Variants in SLC38A6 observed in about 807,000 individuals in gnomAD.
SLC38A6 encodes N system amino acid transporter NAT-1.
A neutral mutation model predicts 65.0 loss-of-function variants in SLC38A6; 73 were observed. That is an observed-to-expected ratio of 1.12 (90% confidence interval 0.93 to 1.37). The LOEUF is 1.37. Ranked by LOEUF, SLC38A6 falls within the 40% of genes most tolerant of loss-of-function variation. The pLI is 0.00. For synonymous variants in SLC38A6, 183 were observed against 178.8 expected (o/e 1.02, Z -0.19); for missense variants, 561 against 531.1 (o/e 1.06, Z -0.55).
At chr14:61,001,666 T>TA (rs2038721088) in intron 3 of SLC38A6, among the ~76,000 whole-genome samples, 1 of 152,198 alleles carries the variant, frequency 6.6e-6, no homozygotes, top group Non-Finnish European at 1.5e-5. Context: ...TAAGTCTAAA[T>TA]AATAGCTTTT....
chr14:60,994,672 C>T (rs2038144704), intron 3 of SLC38A6, among the ~76,000 whole-genome samples: 1 of 150,834 alleles, frequency 6.6e-6, no homozygotes, highest in Non-Finnish European at 1.5e-5. Context: ...CCATTGCACT[C>T]CAGCCTGGGC....
At chr14:61,000,724 A>G (rs367649863) in intron 3 of SLC38A6, among the ~76,000 whole-genome samples, 2 of 152,194 alleles carry the variant, frequency 1.3e-5, no homozygotes, top group African/African-American at 4.8e-5. Context: ...CCATTTCTCA[A>G]TAAAGAGCTG....
intron 12 of SLC38A6, chr14:61,048,236 T>C: frequency 4.8e-6 from 2 of 419,398 alleles, no homozygotes; most frequent in South Asian, 1.8e-5. Context: ...AGGCTTCCAA[T>C]TCATTTTACA....
At chr14:61,042,894 G>A (rs963245718) in intron 8 of SLC38A6, among the ~76,000 whole-genome samples, 2 of 152,090 alleles carry the variant, frequency 1.3e-5, no homozygotes, top group African/African-American at 4.8e-5. Flanking sequence ...TTGGAATTTT[G>A]AAAGTTGACA....
At chr14:61,021,302 C>T (rs4553532) in intron 5 of SLC38A6, among the ~76,000 whole-genome samples, 141,856 of 152,258 alleles carry the variant, frequency 0.93, 66,476 homozygotes, top group Non-Finnish European at 0.99. Flanking sequence ...AATGCTAGAC[C>T]GGCATCTAGC....
intron 3 of SLC38A6, among the ~76,000 whole-genome samples, chr14:60,990,724 C>T (rs2037813068): frequency 6.6e-6 from 1 of 151,980 alleles, no homozygotes; most frequent in African/African-American, 2.4e-5. Context: ...CCTCGACCTC[C>T]TGCCTCAGCC....
intron 5 of SLC38A6, among the ~76,000 whole-genome samples, chr14:61,023,647 G>C (rs570862567): frequency 2.7e-5 from 4 of 149,230 alleles, no homozygotes; most frequent in South Asian, 2.1e-4. Flanking sequence ...TTATTTTCAG[G>C]TTAAGAAAAT....
rs760695849 is a variant in SLC38A6, at chr14:61,043,550, A to G, written c.744+47A>G. ...ACTTTTAGTTGATTTTTCACATTTC[A>G]AGTTTTAAGAGGTTTGTGTAACAGG... On this transcript the variant is annotated intron_variant, in intron 10 of 15. Coordinates refer to ENST00000267488, the MANE Select transcript of SLC38A6 (RefSeq NM_153811.3). 428 of 1,429,516 alleles carry G rather than the reference A, an allele frequency of 3.0e-4. 3 individuals are homozygous for G. The highest frequency in any genetic ancestry group is 4.1e-5 in the Non-Finnish European group (42 of 1,029,836). The allele number at this position is 1,429,516 out of a possible 1,614,324, so 88.6% of individuals were successfully genotyped here. A position where few individuals can be genotyped will look rare whatever the true frequency, so the allele number is the denominator to read the frequency against.
chr14:60,982,437 A>G lies in SLC38A6; in HGVS notation c.106-71A>G. 3 of 1,566,772 alleles carry G rather than the reference A, an allele frequency of 1.9e-6. No homozygotes were observed. In the East Asian group the frequency reaches 6.8e-5, roughly 35 times the overall value. ...AGCTTTTTTCCATAATCTTTCATTT[A>G]TGGAATTTCTTTACGAAATTTTAAC... On this transcript the variant is annotated intron_variant, in intron 1 of 15. Transcript: ENST00000267488.
At chr14:61,010,583 G>T (rs1262045878) in intron 3 of SLC38A6, among the ~76,000 whole-genome samples, 6 of 152,214 alleles carry the variant, frequency 3.9e-5, no homozygotes, top group South Asian at 4.1e-4. Flanking sequence ...AGGGATCCAA[G>T]TTCACCTTTC....
intron 15 of SLC38A6, among the ~76,000 whole-genome samples, chr14:61,069,485 C>G (rs1361157520): frequency 6.6e-6 from 1 of 152,086 alleles, no homozygotes; most frequent in Non-Finnish European, 1.5e-5. Context: ...TTTTTTCTGT[C>G]TAGCACTTGA....
intron 4 of SLC38A6, among the ~76,000 whole-genome samples, chr14:61,017,328 C>T (rs910996685): frequency 6.6e-6 from 1 of 152,162 alleles, no homozygotes; most frequent in South Asian, 2.1e-4. Context: ...CGTTAGCCAC[C>T]GCGCCCGGCC....
At chr14:61,028,346 T>C (rs1038440208) in intron 5 of SLC38A6, among the ~76,000 whole-genome samples, 2 of 152,180 alleles carry the variant, frequency 1.3e-5, no homozygotes, top group African/African-American at 4.8e-5. Flanking sequence ...TTCCTTGTTT[T>C]CAAAGTATTT....
intron 3 of SLC38A6, among the ~76,000 whole-genome samples, chr14:61,013,936 G>C (rs2039786010): frequency 6.6e-6 from 1 of 152,170 alleles, no homozygotes; most frequent in Admixed American, 6.5e-5. Context: ...GGCCTGCCTT[G>C]CTAGGCTGGG....
chr14:61,028,585 A>C (rs1413170065), intron 5 of SLC38A6, among the ~76,000 whole-genome samples: 1 of 152,192 alleles, frequency 6.6e-6, no homozygotes, highest in African/African-American at 2.4e-5. Flanking sequence ...TATGAACAAT[A>C]CAGAACACAT....
chr14:61,044,962 T>G (rs2042045859), intron 10 of SLC38A6, among the ~76,000 whole-genome samples: 1 of 152,194 alleles, frequency 6.6e-6, no homozygotes, highest in Non-Finnish European at 1.5e-5. Flanking sequence ...AAATTGTGCG[T>G]ACATTTAGAA....
intron 4 of SLC38A6, among the ~76,000 whole-genome samples, chr14:61,017,164 C>G (rs897108908): frequency 1.3e-5 from 2 of 152,118 alleles, no homozygotes; most frequent in African/African-American, 4.8e-5. Context: ...GCCTCAGCCT[C>G]CTAAGTAGCT....
chr14:61,022,612 A>G (rs1262649659), intron 5 of SLC38A6, among the ~76,000 whole-genome samples: 1 of 152,078 alleles, frequency 6.6e-6, no homozygotes, highest in Non-Finnish European at 1.5e-5. Flanking sequence ...AGTGTAAATC[A>G]GATTGAATTT....
At position 60,981,288 on chromosome 14, in the gene SLC38A6, C is replaced by A. The variant is rs1377215288; in HGVS notation, c.11C>A (p.Ser4Tyr). ...CAGCTGGAGAGCAGCATGGAGGCGT[C>A]CTGGGGGAGCTTCAACGCTGAGCGG... MEA[S>Y]WGSFNAERGW... is the part of the protein sequence containing the mutation. Residue 4 changes from serine (S) to tyrosine (Y), a missense_variant, in exon 1 of 16, where the codon TCC becomes TAC. Coordinates refer to ENST00000267488, the MANE Select transcript of SLC38A6 (RefSeq NM_153811.3). The A allele has an allele frequency of 1.9e-6, 3 of 1,605,916 alleles. No individual in the cohort carries two copies. In the South Asian group the frequency reaches 3.4e-5, roughly 18 times the overall value.
Sources: gnomAD v4.1 joint callset for allele counts (sites outside exome capture counted in the v4.1 genomes callset) on GRCh38, gnomAD v4.1.1 for gene constraint, MANE v1.5 for transcripts, NCBI Gene and HGNC (gene_info 2026-07-23, HGNC 2026-07-21) for gene names.